SLC38A10: variants seen among roughly 807,000 people sequenced by gnomAD.
SLC38A10 encodes the protein Sodium-coupled neutral amino acid transporter 10.
Under a neutral mutation model 81.0 loss-of-function variants are expected in SLC38A10, and 53 were observed. The ratio of observed to expected loss-of-function variants is 0.65; its 90% confidence interval spans 0.53 to 0.82. SLC38A10 has a LOEUF of 0.82. Ranked by LOEUF, SLC38A10 falls within the 40% of genes least tolerant of loss-of-function variation. The pLI is 0.00. For synonymous variants in SLC38A10, 665 were observed against 655.3 expected (o/e 1.01, Z -0.23); for missense variants, 1,471 against 1,545.0 (o/e 0.95, Z 0.80).
At position 81,276,086 on chromosome 17, in the gene SLC38A10, G is replaced by A. The variant is rs1438194753; in HGVS notation, c.795C>T (p.Pro265=). 1.9e-6 allele frequency: 3 copies of A among 1,613,870 alleles called. No individual in the cohort carries two copies. Among genetic ancestry groups the A allele is most frequent in the Admixed American group, 1.7e-5 (1 of 60,006 alleles). Residue 265 remains proline (P), a synonymous_variant, in exon 8 of 16, where the codon CCC becomes CCT. Transcript: ENST00000374759. The surrounding 1 kb of genome is among the most constrained non-coding windows in gnomAD (Gnocchi z 4.7). ...ATAGNVLMHF[P]SNLVTEMLRV... ...GGAGCATCTCCGTCACCAGGTTGGA[G>A]GGAAAGTGCATGAGCACGTTGCCGG... is the stretch of plus-strand genomic sequence containing the variant.
At chr17:81,291,964 C>T (rs575818259) in intron 1 of SLC38A10, among the ~76,000 whole-genome samples, 1 of 152,268 alleles carries the variant, frequency 6.6e-6, no homozygotes, top group African/African-American at 2.4e-5. Context: ...GAGTACGCTC[C>T]TTAATTTGGG....
intron 2 of SLC38A10, among the ~76,000 whole-genome samples, chr17:81,287,831 C>T (rs1335082796): frequency 6.6e-6 from 1 of 152,192 alleles, no homozygotes; most frequent in Non-Finnish European, 1.5e-5. Flanking sequence ...GGTCACCGGT[C>T]TTCTTCCAGG....
chr17:81,294,736 G>C, intron 1 of SLC38A10, 87 bp downstream of exon 1: 1 of 1,264,516 alleles, frequency 7.9e-7, no homozygotes, highest in Non-Finnish European at 1.1e-6. Context: ...GCCCTGCCCC[G>C]GCGGGAACTT....
Position 81,253,898 on chromosome 17 carries a change from TCAC to T in SLC38A10, c.1289-661_1289-659del, listed in dbSNP as rs1372936049. Among the ~76,000 whole-genome samples the T allele has an allele frequency of 4.6e-5, 7 of 150,954 alleles. No individual in the cohort carries two copies. The highest frequency in any genetic ancestry group is 4.2e-4 in the South Asian group (2 of 4,750). ...ATCATCATCACCATCACCACTACCATCACCACCATCACTGCCAACCCTACCATC... is the reference window on the plus strand; with the variant it reads ...ATCATCATCACCATCACCACTACCATCACCATCACTGCCAACCCTACCATC... On this transcript the variant is annotated intron_variant, in intron 11 of 15. Coordinates refer to ENST00000374759, the MANE Select transcript of SLC38A10 (RefSeq NM_001037984.3). This position sits in a 1 kb window ranked among gnomAD's most constrained non-coding sequence, Gnocchi z 4.1.
intron 10 of SLC38A10, among the ~76,000 whole-genome samples, chr17:81,269,285 G>A (rs112893564): frequency 0.031 from 4,721 of 152,206 alleles, 147 homozygotes; most frequent in African/African-American, 0.082. Flanking sequence ...AGGCTGAGGC[G>A]GGTGGATTAT....
rs1403271342 is a variant in SLC38A10 at position 81,281,645 on chromosome 17, G to A, written c.501+544C>T. ...AAAAAAATTAGCCAGGTGTGGTGGC[G>A]GGCACCTGTAATCCCCGCTACTTGG... On this transcript the variant is annotated intron_variant, in intron 5 of 15. Transcript: ENST00000374759. The surrounding 1 kb of genome is among the most constrained non-coding windows in gnomAD (Gnocchi z 5.3). Among the ~76,000 whole-genome samples the A allele has an allele frequency of 6.6e-6, 1 of 151,976 alleles. No homozygotes were observed. The highest frequency in any genetic ancestry group is 2.1e-4 in the South Asian group (1 of 4,814).
At chr17:81,256,124 A>T (rs1403647294) in intron 11 of SLC38A10, among the ~76,000 whole-genome samples, 1 of 152,224 alleles carries the variant, frequency 6.6e-6, no homozygotes, top group Admixed American at 6.5e-5. Flanking sequence ...TGGCACCCAC[A>T]AAAACACACA....
Position 81,246,998 on chromosome 17 carries a change from A to G in SLC38A10, c.2129T>C (p.Val710Ala). 6.2e-7 allele frequency: 1 copy of G among 1,605,244 alleles called. No individual in the cohort carries two copies. ...CTGGTCCAGCAAGCGCTTTTGCTGC[A>G]CCTGCTGTTCTTTGATCACCTGAAG... is the stretch of plus-strand genomic sequence containing the variant. ...VLLQVIKEQQ[V>A]QQKRLLDQQE... Residue 710 changes from valine to alanine, a missense_variant, in exon 15 of 16, where the codon GTG (valine) becomes GCG (alanine). Transcript: ENST00000374759.
At chr17:81,251,945 A>G in intron 13 of SLC38A10, 1 of 597,930 alleles carries the variant, frequency 1.7e-6, no homozygotes, top group Non-Finnish European at 2.7e-6. Context: ...GCCCAGACAC[A>G]CGAGCACAGC....
Position 81,283,292 on chromosome 17 carries a change from C to T in SLC38A10, c.357+117G>A. 2 of 890,270 alleles carry T rather than the reference C, an allele frequency of 2.2e-6. No homozygotes were observed. The highest frequency in any genetic ancestry group is 3.1e-5 in the South Asian group (2 of 64,978). 55.1% of individuals were successfully genotyped at this position (890,270 alleles called of 1,614,324 possible). A position where few individuals can be genotyped will look rare whatever the true frequency, so the allele number is the denominator to read the frequency against. On this transcript the variant is annotated intron_variant, in intron 4 of 15. Transcript: ENST00000374759. This position sits in a 1 kb window ranked among gnomAD's most constrained non-coding sequence, Gnocchi z 4.7. ...ACCAAGCCCCTAGAATGACAGCAGG[C>T]TCGACAGAAGCTTCTCCCGACCAGC...
chr17:81,260,506 G>A, intron 10 of SLC38A10, 112 bp from the exon 11 acceptor site: 2 of 1,369,176 alleles, frequency 1.5e-6, no homozygotes, highest in Non-Finnish European at 1.9e-6. Context: ...CACGAGGAGA[G>A]TGGACATGAC....
intron 8 of SLC38A10, among the ~76,000 whole-genome samples, chr17:81,274,964 T>C (rs1405599475): frequency 6.6e-6 from 1 of 152,240 alleles, no homozygotes; most frequent in Non-Finnish European, 1.5e-5. Context: ...TGGAGTATGG[T>C]GGAGCGGTCA....
At chr17:81,250,239 A>C in intron 14 of SLC38A10, 3 of 833,188 alleles carry the variant, frequency 3.6e-6, no homozygotes, top group Non-Finnish European at 4.9e-6. Flanking sequence ...GGCCAGACTA[A>C]AACCGGAGAC....
chr17:81,262,726 C>T (rs1368265057), intron 10 of SLC38A10, among the ~76,000 whole-genome samples: 2 of 152,228 alleles, frequency 1.3e-5, no homozygotes, highest in South Asian at 2.1e-4. Context: ...GTTTGCCATC[C>T]GCCAGGGAGC....
chr17:81,252,315 C>T lies in SLC38A10; in HGVS notation c.1825G>A (p.Ala609Thr), dbSNP rs766670882. 12 of 1,612,570 alleles carry T rather than the reference C, an allele frequency of 7.4e-6. No individual in the cohort carries two copies. Among genetic ancestry groups the T allele is most frequent in the South Asian group, 2.2e-5 (2 of 91,040 alleles). The change falls in exon 13 of 16, where the codon GCA becomes ACA. Residue 609 changes from alanine (A) to threonine (T), a missense_variant. This residue lies in a region of SLC38A10 where 751 missense variants were observed against 717.4 expected (regional missense o/e 1.05). Transcript: ENST00000374759. ...CCGTTCTGCTGCTCAGACAGCACTG[C>T]CTGGGGCCGAGGATGCAGGCCCCTG... ...GDRGLHPRPQ[A>T]VLSEQQNGLA...
Position 81,260,380 on chromosome 17 carries a change from G to A in SLC38A10, c.1146C>T (p.Val382=), listed in dbSNP as rs34228248. 18,152 of 1,611,136 alleles carry A rather than the reference G, an allele frequency of 0.011. 127 individuals carry two copies. The highest frequency in any genetic ancestry group is 0.017 in the Middle Eastern group (103 of 6,010). Residue 382 remains valine, a synonymous_variant, in exon 11 of 16, where the codon GTC becomes GTT. Coordinates refer to ENST00000374759, the MANE Select transcript of SLC38A10 (RefSeq NM_001037984.3). ...TGCTCACCACCAGGACGCCCAGGCC[G>A]ACCCACAGCACCACCTGAGGAGACA... ...NALSSQVVLW[V]GLGVLVVSTV...
rs750272109 is a variant in SLC38A10, at chr17:81,245,967, C to A, written c.2949G>T (p.Leu983=). Residue 983 remains leucine, a synonymous_variant, in exon 16 of 16, where the codon CTG becomes CTT. Coordinates refer to ENST00000374759, the MANE Select transcript of SLC38A10 (RefSeq NM_001037984.3). The stretch of plus-strand genomic sequence containing the variant: ...CCCCCCCGCGGGCCTTTCTCATCTC[C>A]AGGTGACCGCCATGGTCCAGCCGGT... The part of the protein sequence containing the change: ...QGHRLDHGGH[L]EMRKARGGDH... 11 of 1,603,968 alleles carry A rather than the reference C, an allele frequency of 6.9e-6. No individual in the cohort carries two copies. In the Admixed American group the frequency reaches 1.7e-4, roughly 25 times the overall value.
Position 81,281,372 on chromosome 17 carries a change from G to C in SLC38A10, c.502-639C>G, listed in dbSNP as rs1044366914. On this transcript the variant is annotated intron_variant, in intron 5 of 15. Coordinates refer to ENST00000374759, the MANE Select transcript of SLC38A10 (RefSeq NM_001037984.3). The surrounding 1 kb of genome is among the most constrained non-coding windows in gnomAD (Gnocchi z 5.3). ...TCGGGTCCTGGGGCTCCTATGGGCA[G>C]GGGCCTGGCAGAGAATGGAGGGTGT... 1.3e-5 allele frequency among the ~76,000 whole-genome samples: 2 copies of C among 152,146 alleles called. No homozygotes were observed. Among genetic ancestry groups the C allele is most frequent in the Admixed American group, 6.5e-5 (1 of 15,278 alleles).
At position 81,286,511 on chromosome 17, in the gene SLC38A10, G is replaced by C. The variant is rs2146953711; in HGVS notation, c.218-1616C>G. Among the ~76,000 whole-genome samples the C allele has an allele frequency of 6.6e-6, 1 of 152,320 alleles. No homozygotes were observed. The highest frequency in any genetic ancestry group is 2.4e-5 in the African/African-American group (1 of 41,568). On this transcript the variant is annotated intron_variant, in intron 2 of 15. Transcript: ENST00000374759. The surrounding 1 kb of genome is among the most constrained non-coding windows in gnomAD (Gnocchi z 6.0). ...TCCCCAGGTTCAAACACCAGCCCCA[G>C]TTGGACTGACCCCACTCCTTCACAT...
Sources: allele counts gnomAD v4.1 joint callset (sites outside exome capture counted in the v4.1 genomes callset), GRCh38; gene constraint gnomAD v4.1.1; regional missense constraint gnomAD v4.1.1; non-coding constraint Gnocchi (gnomAD v3.1); transcripts MANE v1.5; gene names NCBI Gene and HGNC (gene_info 2026-07-23, HGNC 2026-07-21).